Variants in AKAP19 observed in about 807,000 individuals in gnomAD.
AKAP19 encodes the protein A-kinase anchoring protein 19.
the AKAP19 span, among the ~76,000 whole-genome samples, chr2:189,996,966 A>G: frequency 5.3e-5 from 8 of 152,348 alleles, no homozygotes; most frequent in East Asian, 1.5e-3. Context: ...TCTCCCAGCC[A>G]TGGATACCTG....
At chr2:190,008,757 C>G in the AKAP19 span, among the ~76,000 whole-genome samples, 10 of 116,492 alleles carry the variant, frequency 8.6e-5, 1 homozygote, top group Admixed American at 6.1e-4. Flanking sequence ...CACACACACA[C>G]ACACACACAC....
chr2:189,935,960 C>T, the AKAP19 span, among the ~76,000 whole-genome samples: 6 of 152,012 alleles, frequency 3.9e-5, no homozygotes, highest in African/African-American at 1.4e-4. Flanking sequence ...CTAGTACATC[C>T]TTTTACAGAA....
chr2:190,113,527 C>T, the AKAP19 span, among the ~76,000 whole-genome samples: 1 of 152,306 alleles, frequency 6.6e-6, no homozygotes, highest in South Asian at 2.1e-4. Flanking sequence ...TAGATTTCTA[C>T]TTCAGAGCTT....
the AKAP19 span, among the ~76,000 whole-genome samples, chr2:190,081,020 A>C: frequency 6.6e-6 from 1 of 152,328 alleles, no homozygotes; most frequent in Admixed American, 6.5e-5. Flanking sequence ...GATGTAAAGG[A>C]AACTAAAACT....
the AKAP19 span, among the ~76,000 whole-genome samples, chr2:190,111,880 G>A: frequency 6.6e-6 from 1 of 151,734 alleles, no homozygotes; most frequent in South Asian, 2.1e-4. Flanking sequence ...TCAACATCAT[G>A]GTTTTTTTGT....
the AKAP19 span, among the ~76,000 whole-genome samples, chr2:189,980,335 C>T: frequency 6.6e-6 from 1 of 152,132 alleles, no homozygotes; most frequent in South Asian, 2.1e-4. Flanking sequence ...CATGTTTTCA[C>T]TCATTTTTTA....
the AKAP19 span, chr2:190,181,180 G>A: frequency 1.0e-6 from 1 of 983,734 alleles, no homozygotes; most frequent in Non-Finnish European, 1.2e-6. Context: ...TGTCAGCTGT[G>A]CCTTTTAGAT....
the AKAP19 span, among the ~76,000 whole-genome samples, chr2:189,913,828 T>C: frequency 6.6e-6 from 1 of 152,126 alleles, no homozygotes; most frequent in Non-Finnish European, 1.5e-5. Context: ...TAGTTCAGGA[T>C]GTGTACTGTT....
the AKAP19 span, among the ~76,000 whole-genome samples, chr2:189,955,604 C>T: frequency 9.2e-5 from 14 of 152,276 alleles, no homozygotes; most frequent in African/African-American, 3.1e-4. Flanking sequence ...TGTTTCTTTT[C>T]TCTGCATCCT....
At chr2:189,882,986 T>C in the AKAP19 span, among the ~76,000 whole-genome samples, 1 of 152,160 alleles carries the variant, frequency 6.6e-6, no homozygotes, top group Admixed American at 6.5e-5. Context: ...TCAGAGGTTT[T>C]CTCTGCTTAC....
the AKAP19 span, chr2:190,200,343 C>CTT: frequency 1.9e-5 from 11 of 570,978 alleles, no homozygotes; most frequent in Non-Finnish European, 2.9e-5. Flanking sequence ...TCTGTTTAGT[C>CTT]TTAGATTTTA....
the AKAP19 span, chr2:190,202,964 C>T: frequency 6.0e-6 from 1 of 166,992 alleles, no homozygotes; most frequent in Non-Finnish European, 1.5e-5. Flanking sequence ...TTGCAATCTG[C>T]CTGTGGTTAT....
chr2:190,118,876 G>A, the AKAP19 span, among the ~76,000 whole-genome samples: 6 of 152,228 alleles, frequency 3.9e-5, no homozygotes, highest in Middle Eastern at 3.4e-3. Context: ...AGGGCAATCA[G>A]GCAGGAGAAA....
the AKAP19 span, among the ~76,000 whole-genome samples, chr2:190,172,301 G>A: frequency 6.6e-6 from 1 of 152,088 alleles, no homozygotes; most frequent in African/African-American, 2.4e-5. Flanking sequence ...GCATTTACTA[G>A]TTTGTTTACT....
At chr2:189,930,692 GAAATT>G in the AKAP19 span, 9 of 389,884 alleles carry the variant, frequency 2.3e-5, no homozygotes, top group Admixed American at 1.2e-4. Context: ...AAAAAAAAAA[GAAATT>G]GAATTGGGTC....
the AKAP19 span, among the ~76,000 whole-genome samples, chr2:189,882,955 A>G: frequency 6.6e-6 from 1 of 151,772 alleles, no homozygotes; most frequent in African/African-American, 2.4e-5. Context: ...GCAACACACT[A>G]TTGGACTGTC....
At chr2:190,179,124 C>T in the AKAP19 span, among the ~76,000 whole-genome samples, 1 of 152,116 alleles carries the variant, frequency 6.6e-6, no homozygotes, top group African/African-American at 2.4e-5. This position sits in a 1 kb window ranked among gnomAD's most constrained non-coding sequence, Gnocchi z 6.0. Context: ...AAAATTGATA[C>T]TGGCTGGGTG....
At chr2:190,057,679 C>T in the AKAP19 span, 1 of 1,604,164 alleles carries the variant, frequency 6.2e-7, no homozygotes, top group Non-Finnish European at 8.5e-7. Context: ...ATCAATAGGC[C>T]TGGAAACACT....
the AKAP19 span, among the ~76,000 whole-genome samples, chr2:190,001,568 T>C: frequency 1.2e-4 from 19 of 152,328 alleles, no homozygotes; most frequent in African/African-American, 4.6e-4. Flanking sequence ...TTTTTGTTTG[T>C]TTGTTTTAGT....
Sources: allele counts gnomAD v4.1 joint callset (sites outside exome capture counted in the v4.1 genomes callset), GRCh38; gene constraint gnomAD v4.1.1; non-coding constraint Gnocchi (gnomAD v3.1); transcripts MANE v1.5; gene names NCBI Gene and HGNC (gene_info 2026-07-23, HGNC 2026-07-21).